The following ARL15 variants were observed in gnomAD, a reference collection of about 807,000 sequenced individuals.
ARL15 encodes ARF like GTPase 15, also known as ADP-ribosylation factor-like protein 15.
ARL15 carries 19 observed loss-of-function variants against 25.2 expected under a neutral mutation model. The observed-to-expected ratio is 0.75, with a 90% CI of 0.53 to 1.10. The LOEUF (loss-of-function observed/expected upper bound fraction) is 1.10. ARL15 is among the 50% of genes least tolerant of loss of function. ARL15 has a pLI of 0.00. For synonymous variants in ARL15, 94 were observed against 86.8 expected, an observed-to-expected ratio of 1.08 and a Z score of -0.46; for missense variants, 220 against 246.0, an observed-to-expected ratio of 0.89 and a Z score of 0.71.
chr5:53,946,106 G>A (rs1746720001), intron 4 of ARL15, among the ~76,000 whole-genome samples: 1 of 152,222 alleles, frequency 6.6e-6, no homozygotes, highest in African/African-American at 2.4e-5. Flanking sequence ...GAGCAGGCCT[G>A]TAAAGATTAA....
intron 1 of ARL15, among the ~76,000 whole-genome samples, chr5:54,176,580 T>G (rs1411338372): frequency 6.6e-6 from 1 of 152,192 alleles, no homozygotes; most frequent in Non-Finnish European, 1.5e-5. Flanking sequence ...TGTTGTACAA[T>G]GCGAAACACA....
At chr5:54,144,618 C>T (rs1753855988) in intron 3 of ARL15, among the ~76,000 whole-genome samples, 1 of 152,074 alleles carries the variant, frequency 6.6e-6, no homozygotes, top group Non-Finnish European at 1.5e-5. Context: ...TGATTTACTT[C>T]ATATTGCGGT....
intron 4 of ARL15, among the ~76,000 whole-genome samples, chr5:53,944,610 C>T (rs1197006311): frequency 6.6e-6 from 1 of 151,946 alleles, no homozygotes; most frequent in Non-Finnish European, 1.5e-5. Flanking sequence ...AACAAACAAA[C>T]AAAAAACAAA....
In ARL15 at chr5:53,897,691, A is replaced by G. The variant is rs574953740; in HGVS notation, c.463-10978T>C. 3.3e-5 allele frequency among the ~76,000 whole-genome samples: 5 copies of G among 152,310 alleles called. No homozygotes were observed. In the South Asian group the frequency reaches 1.0e-3, roughly 32 times the overall value. On this transcript the variant is annotated intron_variant, in intron 4 of 4. Coordinates refer to ENST00000504924, the MANE Select transcript of ARL15 (RefSeq NM_019087.3). ...CTGTATGATTTTTATCTTATAGTAT[A>G]TTAATATAATGTGTTACACTGATTT...
At chr5:54,285,783 G>A (rs1758165352) in intron 1 of ARL15, among the ~76,000 whole-genome samples, 1 of 152,134 alleles carries the variant, frequency 6.6e-6, no homozygotes, top group African/African-American at 2.4e-5. Context: ...TCCAAATAAG[G>A]TTAACAAAGA....
intron 4 of ARL15, among the ~76,000 whole-genome samples, chr5:53,985,197 C>T (rs1377845011): frequency 1.3e-5 from 2 of 152,132 alleles, no homozygotes; most frequent in Non-Finnish European, 2.9e-5. Flanking sequence ...CCTCCAAGAA[C>T]AGCAGGTCTT....
intron 1 of ARL15, among the ~76,000 whole-genome samples, chr5:54,240,904 T>G (rs1756941591): frequency 6.6e-6 from 1 of 152,150 alleles, no homozygotes; most frequent in South Asian, 2.1e-4. Flanking sequence ...GGTTAAAGTA[T>G]CTGCAAAAAT....
intron 4 of ARL15, among the ~76,000 whole-genome samples, chr5:54,090,859 G>C (rs1752106978): frequency 6.6e-6 from 1 of 151,962 alleles, no homozygotes; most frequent in Non-Finnish European, 1.5e-5. Flanking sequence ...CAACCACAAG[G>C]GGCTATAACA....
chr5:54,293,606 A>T (rs1177993934), intron 1 of ARL15, among the ~76,000 whole-genome samples: 1 of 152,238 alleles, frequency 6.6e-6, no homozygotes, highest in African/African-American at 2.4e-5. Context: ...CTTTGCATCT[A>T]TTCCAACCTC....
At chr5:54,204,087 T>C (rs1698263080) in intron 1 of ARL15, among the ~76,000 whole-genome samples, 1 of 152,112 alleles carries the variant, frequency 6.6e-6, no homozygotes, top group African/African-American at 2.4e-5. Context: ...ACTTTGAAAA[T>C]TTGAGTGGTA....
At chr5:54,055,463 C>A (rs1034229515) in intron 4 of ARL15, among the ~76,000 whole-genome samples, 10 of 147,754 alleles carry the variant, frequency 6.8e-5, no homozygotes, top group South Asian at 2.1e-4. Flanking sequence ...CGGGTTCAAG[C>A]GATTCTCCTG....
chr5:54,008,933 C>T (rs1420745565), intron 4 of ARL15, among the ~76,000 whole-genome samples: 1 of 152,080 alleles, frequency 6.6e-6, no homozygotes, highest in Non-Finnish European at 1.5e-5. Context: ...GTCCAAGAAA[C>T]TATTTTAATG....
At chr5:54,249,901 C>T (rs1346580031) in intron 1 of ARL15, among the ~76,000 whole-genome samples, 1 of 152,152 alleles carries the variant, frequency 6.6e-6, no homozygotes, top group Non-Finnish European at 1.5e-5. Context: ...GTGCCTGGGA[C>T]TGCATCTCAA....
chr5:54,240,112 A>C (rs1309021978), intron 1 of ARL15, among the ~76,000 whole-genome samples: 1 of 151,876 alleles, frequency 6.6e-6, no homozygotes, highest in Non-Finnish European at 1.5e-5. Flanking sequence ...CTGTAGTCCC[A>C]GCTACTCGGG....
In ARL15 at chr5:54,074,982, A is replaced by T. The variant is rs1017192533; in HGVS notation, c.462+38220T>A. Among the ~76,000 whole-genome samples the T allele has an allele frequency of 2.0e-5, 3 of 151,036 alleles. No homozygotes were observed. The East Asian group carries it at 5.8e-4, about 29-fold the overall frequency. ...CTGAGGAATTTTATATCCCCACAAG[A>T]CACAAAAACTCTAGAAATATAAATT... On this transcript the variant is annotated intron_variant, in intron 4 of 4. Coordinates refer to ENST00000504924, the MANE Select transcript of ARL15 (RefSeq NM_019087.3).
At chr5:54,256,498 A>G (rs1239341823) in intron 1 of ARL15, among the ~76,000 whole-genome samples, 1 of 151,530 alleles carries the variant, frequency 6.6e-6, no homozygotes, top group Non-Finnish European at 1.5e-5. Context: ...CATTCAAGAA[A>G]AAATTGGTAC....
At chr5:54,306,941 GT>G (rs572558631) in intron 1 of ARL15, among the ~76,000 whole-genome samples, 206 of 152,322 alleles carry the variant, frequency 1.4e-3, no homozygotes, top group African/African-American at 4.8e-3. Context: ...CTCGAGAAAT[GT>G]GTTTTTCTCT....
At chr5:53,959,076 T>C (rs1561165945) in intron 4 of ARL15, among the ~76,000 whole-genome samples, 1 of 152,130 alleles carries the variant, frequency 6.6e-6, no homozygotes, top group Non-Finnish European at 1.5e-5. Flanking sequence ...CAGACATACA[T>C]AGAACACTCC....
intron 4 of ARL15, among the ~76,000 whole-genome samples, chr5:54,032,993 C>T (rs938815699): frequency 3.3e-5 from 5 of 151,310 alleles, no homozygotes; most frequent in African/African-American, 9.7e-5. Flanking sequence ...ATTTTTCATG[C>T]CTGTGGAAGT....
Sources: allele counts gnomAD v4.1 joint callset (sites outside exome capture counted in the v4.1 genomes callset), GRCh38; gene constraint gnomAD v4.1.1; transcripts MANE v1.5; gene names NCBI Gene and HGNC (gene_info 2026-07-23, HGNC 2026-07-21).